Variants in CDC42BPA observed in about 807,000 individuals in gnomAD.
CDC42BPA encodes the protein serine/threonine-protein kinase MRCK alpha.
A neutral mutation model predicts 223.5 loss-of-function variants in CDC42BPA; 80 were observed. The observed-to-expected ratio is 0.36, with a 90% CI of 0.30 to 0.43. The LOEUF (loss-of-function observed/expected upper bound fraction) is 0.43, where lower values mean the gene tolerates loss of function less well. CDC42BPA is among the 20% of genes least tolerant of loss of function. CDC42BPA has a pLI of 1.00. For missense variants in CDC42BPA, 1,743 were observed against 2,099.9 expected, an observed-to-expected ratio of 0.83 and a Z score of 3.32; for synonymous variants, 694 against 718.6, an observed-to-expected ratio of 0.97 and a Z score of 0.55.
At chr1:227,047,446 G>C (rs1558370165) in intron 23 of CDC42BPA, among the ~76,000 whole-genome samples, 1 of 152,078 alleles carries the variant, frequency 6.6e-6, no homozygotes. Flanking sequence ...TGGAGAGGCA[G>C]ATCATTCAGT....
intron 8 of CDC42BPA, among the ~76,000 whole-genome samples, chr1:227,143,549 A>T (rs1660093851): frequency 6.6e-6 from 1 of 152,144 alleles, no homozygotes; most frequent in African/African-American, 2.4e-5. Flanking sequence ...CTGCTTGCAA[A>T]GGCTCCCAAG....
chr1:227,230,413 G>C (rs1056035590), intron 2 of CDC42BPA, among the ~76,000 whole-genome samples: 1 of 152,226 alleles, frequency 6.6e-6, no homozygotes, highest in Non-Finnish European at 1.5e-5. Context: ...AGAATTTATA[G>C]ATTAGGGAGA....
intron 11 of CDC42BPA, among the ~76,000 whole-genome samples, chr1:227,124,140 A>G (rs1465771563): frequency 2.6e-5 from 4 of 152,160 alleles, no homozygotes; most frequent in Admixed American, 6.5e-5. Context: ...CTAGGAATAT[A>G]GTGGGAAAAC....
chr1:227,181,571 T>TA (rs1479394076), intron 5 of CDC42BPA, among the ~76,000 whole-genome samples: 3 of 152,180 alleles, frequency 2.0e-5, no homozygotes, highest in Non-Finnish European at 4.4e-5. Flanking sequence ...GACGTAAAAA[T>TA]AGTTTTTGCA....
intron 5 of CDC42BPA, among the ~76,000 whole-genome samples, chr1:227,193,377 T>C (rs748608352): frequency 3.3e-5 from 5 of 151,944 alleles, no homozygotes; most frequent in Non-Finnish European, 5.9e-5. Context: ...TTTTTTTTCA[T>C]AGATTTAGGG....
intron 1 of CDC42BPA, among the ~76,000 whole-genome samples, chr1:227,307,342 T>C (rs544538501): frequency 6.6e-6 from 1 of 152,322 alleles, no homozygotes; most frequent in South Asian, 2.1e-4. Flanking sequence ...TTGATATAAA[T>C]TGTGACAATT....
At chr1:227,187,546 G>A (rs1668988395) in intron 5 of CDC42BPA, among the ~76,000 whole-genome samples, 4 of 148,546 alleles carry the variant, frequency 2.7e-5, no homozygotes. Context: ...AAAGGTATAA[G>A]TTACATGTAA....
At chr1:227,204,406 T>A (rs1672311566) in intron 3 of CDC42BPA, among the ~76,000 whole-genome samples, 1 of 152,156 alleles carries the variant, frequency 6.6e-6, no homozygotes, top group Non-Finnish European at 1.5e-5. Flanking sequence ...AGTGCAAAGA[T>A]AATAGTCCAA....
chr1:227,107,417 A>G (rs1686120626), intron 14 of CDC42BPA, among the ~76,000 whole-genome samples: 1 of 152,058 alleles, frequency 6.6e-6, no homozygotes, highest in African/African-American at 2.4e-5. Flanking sequence ...TTTAAGCTCA[A>G]GTCTCAAGTA....
At chr1:227,199,940 T>C (rs565457846) in intron 3 of CDC42BPA, among the ~76,000 whole-genome samples, 1 of 152,292 alleles carries the variant, frequency 6.6e-6, no homozygotes, top group East Asian at 1.9e-4. Context: ...CCAGATAATA[T>C]AAATGTCTAC....
At chr1:227,268,646 G>C (rs1362056793) in intron 1 of CDC42BPA, among the ~76,000 whole-genome samples, 3 of 137,380 alleles carry the variant, frequency 2.2e-5, no homozygotes, top group African/African-American at 8.8e-5. Flanking sequence ...TATATATAGT[G>C]TGTGTGTATA....
At chr1:227,100,864 T>C in intron 15 of CDC42BPA, 128 bp downstream of exon 15, 1 of 614,546 alleles carries the variant, frequency 1.6e-6, no homozygotes, top group Non-Finnish European at 2.7e-6. Flanking sequence ...TATAATTTTC[T>C]ATCTGCCAAT....
At chr1:227,296,056 GC>G (rs1281254049) in intron 1 of CDC42BPA, among the ~76,000 whole-genome samples, 3 of 152,160 alleles carry the variant, frequency 2.0e-5, no homozygotes, top group Non-Finnish European at 2.9e-5. Flanking sequence ...GCCCAGAAAA[GC>G]CAAAATAACC....
At chr1:227,074,685 G>A (rs1040373357) in intron 17 of CDC42BPA, among the ~76,000 whole-genome samples, 5 of 152,148 alleles carry the variant, frequency 3.3e-5, no homozygotes, top group African/African-American at 1.2e-4. Context: ...ATGCACAAAT[G>A]TGTGAGGTTT....
rs181307482 is a variant in CDC42BPA at position 227,276,298 on chromosome 1, C to T, written c.179-22143G>A. Among the ~76,000 whole-genome samples the T allele has an allele frequency of 1.2e-3, 185 of 150,626 alleles. 1 individual carries two copies. The highest frequency in any genetic ancestry group is 5.2e-4 in the Non-Finnish European group (35 of 67,646). On this transcript the variant is annotated intron_variant, in intron 1 of 36. Coordinates refer to ENST00000366766, the MANE Select transcript of CDC42BPA (RefSeq NM_001394014.1). Reference sequence around the variant, plus strand: ...GAGCGTCTCTGCCCGACTGCCAACCCGTCTGGGAGGTGAGGAGCGTGTCTG... The same window carrying T: ...GAGCGTCTCTGCCCGACTGCCAACCTGTCTGGGAGGTGAGGAGCGTGTCTG...
intron 5 of CDC42BPA, chr1:227,178,403 T>A (rs1461660348): frequency 6.5e-6 from 1 of 153,182 alleles, no homozygotes; most frequent in Non-Finnish European, 1.5e-5. Flanking sequence ...ACTTCCACCA[T>A]GATTGTGAGG....
At chr1:227,112,493 G>A (rs1207249793) in intron 13 of CDC42BPA, 71 bp from the exon 14 acceptor site, 33 of 1,183,098 alleles carry the variant, frequency 2.8e-5, no homozygotes, top group Admixed American at 7.2e-5. Context: ...TTATCCCAAT[G>A]AGAATTTACC....
At chr1:227,120,969 T>A (rs1427477390) in intron 11 of CDC42BPA, among the ~76,000 whole-genome samples, 1 of 152,182 alleles carries the variant, frequency 6.6e-6, no homozygotes, top group Non-Finnish European at 1.5e-5. Flanking sequence ...ATCCCTCGCA[T>A]GAGCAGTTCA....
At chr1:227,315,127 G>A (rs1694156223) in intron 1 of CDC42BPA, among the ~76,000 whole-genome samples, 1 of 151,934 alleles carries the variant, frequency 6.6e-6, no homozygotes. Context: ...CGCAACTCCT[G>A]ACAGCCTTTT....
Sources: gnomAD v4.1 joint callset for allele counts (sites outside exome capture counted in the v4.1 genomes callset) on GRCh38, gnomAD v4.1.1 for gene constraint, MANE v1.5 for transcripts, NCBI Gene and HGNC (gene_info 2026-07-23, HGNC 2026-07-21) for gene names.